The following NUP93 variants were observed in gnomAD, a reference collection of about 807,000 sequenced individuals.
NUP93 encodes nuclear pore complex protein Nup93.
In NUP93, 55 loss-of-function variants were observed where a neutral mutation model predicts 107.8. The observed-to-expected ratio is 0.51, with a 90% CI of 0.41 to 0.64. The LOEUF is 0.64. NUP93 is among the 30% of genes least tolerant of loss of function. The pLI, the probability that NUP93 is intolerant of heterozygous loss-of-function variation, is 0.00. For missense variants in NUP93, 937 were observed against 1,044.7 expected (o/e 0.90, Z 1.42); for synonymous variants, 390 against 397.5 (o/e 0.98, Z 0.22).
At chr16:56,789,586 C>T (rs1962707913) in intron 3 of NUP93, among the ~76,000 whole-genome samples, 1 of 152,240 alleles carries the variant, frequency 6.6e-6, no homozygotes, top group Admixed American at 6.5e-5. Flanking sequence ...TGGTGGAACT[C>T]CACAGCCACT....
chr16:56,742,628 C>T (rs1961757430), intron 1 of NUP93, among the ~76,000 whole-genome samples: 1 of 152,228 alleles, frequency 6.6e-6, no homozygotes, highest in South Asian at 2.1e-4. Context: ...GAAGTTTGCT[C>T]ACTCTTGCCC....
At chr16:56,753,815 C>T (rs1423073172) in intron 2 of NUP93, among the ~76,000 whole-genome samples, 2 of 152,058 alleles carry the variant, frequency 1.3e-5, no homozygotes, top group Non-Finnish European at 2.9e-5. Flanking sequence ...TAAACAAACA[C>T]AACTTTAAAA....
chr16:56,823,940 TAG>T, intron 8 of NUP93, 94 bp downstream of exon 8: 1 of 1,431,390 alleles, frequency 7.0e-7, no homozygotes, highest in Non-Finnish European at 9.4e-7. Context: ...AGGTGTGCTG[TAG>T]GTATAATTTA....
intron 21 of NUP93, 30 bp from the exon 22 acceptor site, chr16:56,844,468 AT>A: frequency 7.5e-7 from 1 of 1,331,964 alleles, no homozygotes; most frequent in Non-Finnish European, 1.0e-6. Context: ...AAGTTAACCG[AT>A]TTCCTTCCCT....
At chr16:56,830,415 C>G (rs1963756824) in intron 9 of NUP93, 113 bp from the exon 10 acceptor site, 4 of 1,032,114 alleles carry the variant, frequency 3.9e-6, no homozygotes, top group Non-Finnish European at 4.1e-6. Context: ...GGGAGCTGTT[C>G]TGAAGATTAA....
chr16:56,814,526 T>C (rs1963380542), intron 5 of NUP93, among the ~76,000 whole-genome samples: 1 of 152,192 alleles, frequency 6.6e-6, no homozygotes. Flanking sequence ...TGTGCTTTCC[T>C]TGGGAAAAGA....
intron 7 of NUP93, among the ~76,000 whole-genome samples, chr16:56,823,164 G>C (rs927406195): frequency 4.6e-5 from 7 of 152,210 alleles, no homozygotes; most frequent in African/African-American, 1.7e-4. Flanking sequence ...TTTGAAGGGA[G>C]TGAGTGGGAA....
rs146398303 is a variant in NUP93, at chr16:56,838,851, G to C, written c.2019-101G>C. 1.2e-3 allele frequency: 1,001 copies of C among 819,120 alleles called. 7 individuals are homozygous for C. In the African/African-American group the frequency reaches 0.015, roughly 12 times the overall value. The allele number at this position is 819,120 out of a possible 1,614,324, so 50.7% of individuals were successfully genotyped here. A position where few individuals can be genotyped will look rare whatever the true frequency, so the allele number is the denominator to read the frequency against. On this transcript the variant is annotated intron_variant, in intron 18 of 21. Coordinates refer to ENST00000308159, the MANE Select transcript of NUP93 (RefSeq NM_014669.5). ...TGTAGCTGAGATTACAGGCATGAGC[G>C]ACCACACCCCACTGTTTTTTTAAAT...
intron 5 of NUP93, among the ~76,000 whole-genome samples, chr16:56,808,589 AATAT>A (rs1315874847): frequency 7.6e-6 from 1 of 131,120 alleles, no homozygotes; most frequent in Non-Finnish European, 1.5e-5. Flanking sequence ...AATATTTATA[AATAT>A]ATAAATACAT....
At chr16:56,834,491 TC>T (rs761543266) in intron 15 of NUP93, 49 bp downstream of exon 15, 1 of 1,565,802 alleles carries the variant, frequency 6.4e-7, no homozygotes, top group Non-Finnish European at 8.8e-7. Context: ...AGTGTGCATG[TC>T]CCATGCTCAT....
chr16:56,735,567 G>A (rs1372780243), intron 1 of NUP93, among the ~76,000 whole-genome samples: 8 of 152,148 alleles, frequency 5.3e-5, no homozygotes, highest in African/African-American at 1.9e-4. Flanking sequence ...AGATGGGGTC[G>A]GGCGCAGTGG....
At chr16:56,829,461 T>C (rs1963735594) in intron 9 of NUP93, among the ~76,000 whole-genome samples, 1 of 151,882 alleles carries the variant, frequency 6.6e-6, no homozygotes, top group Admixed American at 6.6e-5. Flanking sequence ...AAGAATGGAG[T>C]TGAATGTAGT....
At chr16:56,793,164 C>T (rs1412158113) in intron 3 of NUP93, among the ~76,000 whole-genome samples, 1 of 152,150 alleles carries the variant, frequency 6.6e-6, no homozygotes, top group African/African-American at 2.4e-5. Flanking sequence ...GAAACCAAAA[C>T]ACATTTGAGG....
intron 3 of NUP93, among the ~76,000 whole-genome samples, chr16:56,760,445 G>T (rs1458754964): frequency 1.3e-5 from 2 of 152,140 alleles, no homozygotes; most frequent in Non-Finnish European, 2.9e-5. Context: ...TCACGGTTCT[G>T]CAGGCTGTAC....
At chr16:56,739,996 G>C (rs1597100201) in intron 1 of NUP93, among the ~76,000 whole-genome samples, 3 of 95,046 alleles carry the variant, frequency 3.2e-5, no homozygotes, top group Admixed American at 9.4e-5. Context: ...CGGGCAGAGG[G>C]GCTCCTCACT....
In NUP93 at chr16:56,736,931, C is replaced by G. The variant is rs543348313; in HGVS notation, c.-15+6720C>G. On this transcript the variant is annotated intron_variant, in intron 1 of 21. Transcript: ENST00000308159. ...ATCAAATGAAAAGTAGAAAAGTCTC[C>G]CAACTCTCACCTTGGTAATGCTAGG... is the stretch of plus-strand genomic sequence containing the variant. Among the ~76,000 whole-genome samples the G allele has an allele frequency of 8.5e-5, 13 of 152,276 alleles. 1 individual carries two copies. In the South Asian group the frequency reaches 2.7e-3, roughly 32 times the overall value.
At chr16:56,767,276 C>T (rs1962232617) in intron 3 of NUP93, among the ~76,000 whole-genome samples, 1 of 152,246 alleles carries the variant, frequency 6.6e-6, no homozygotes, top group Non-Finnish European at 1.5e-5. Context: ...CAGAAAGCTG[C>T]AGCACTTGAA....
intron 7 of NUP93, 37 bp downstream of exon 7, chr16:56,821,630 C>T: frequency 6.9e-7 from 1 of 1,445,730 alleles, no homozygotes; most frequent in Non-Finnish European, 9.7e-7. Context: ...AAACCGGGGT[C>T]CAGTGTTCCG....
chr16:56,734,895 C>A (rs754709768), intron 1 of NUP93, among the ~76,000 whole-genome samples: 65 of 152,302 alleles, frequency 4.3e-4, no homozygotes, highest in Non-Finnish European at 7.6e-4. Flanking sequence ...CTAACCCCTC[C>A]CACTCCATGC....
Sources: allele counts gnomAD v4.1 joint callset (sites outside exome capture counted in the v4.1 genomes callset), GRCh38; gene constraint gnomAD v4.1.1; transcripts MANE v1.5; gene names NCBI Gene and HGNC (gene_info 2026-07-23, HGNC 2026-07-21).